The following LRP1B variants were observed in gnomAD, a reference collection of about 807,000 sequenced individuals.
LRP1B encodes low-density lipoprotein receptor-related protein 1B.
LRP1B carries 217 observed loss-of-function variants against 556.6 expected under a neutral mutation model. The ratio of observed to expected loss-of-function variants is 0.39; its 90% CI spans 0.35 to 0.44. The LOEUF (loss-of-function observed/expected upper bound fraction) is 0.44. Ranked by LOEUF, LRP1B falls within the 20% of genes least tolerant of loss-of-function variation. LRP1B has a pLI of 1.00. For synonymous variants in LRP1B, 2,047 were observed against 1,865.8 expected, an observed-to-expected ratio of 1.10 and a Z score of -2.50; for missense variants, 5,053 against 5,620.8, an observed-to-expected ratio of 0.90 and a Z score of 3.23.
chr2:141,945,798 G>A (rs897578391), intron 1 of LRP1B, among the ~76,000 whole-genome samples: 4 of 152,012 alleles, frequency 2.6e-5, no homozygotes, highest in Non-Finnish European at 2.9e-5. Flanking sequence ...AGAGGCCTTG[G>A]CCTAGAGTTG....
chr2:141,370,755 T>C (rs1407113258), intron 3 of LRP1B, among the ~76,000 whole-genome samples: 1 of 152,164 alleles, frequency 6.6e-6, no homozygotes, highest in Non-Finnish European at 1.5e-5. Flanking sequence ...CCCAGGTTTT[T>C]TCTAATATGT....
At chr2:140,958,343 A>T (rs1438121609) in intron 18 of LRP1B, among the ~76,000 whole-genome samples, 1 of 151,648 alleles carries the variant, frequency 6.6e-6, no homozygotes, top group Non-Finnish European at 1.5e-5. Context: ...GTAAAAAGAC[A>T]CACAGATAAA....
intron 74 of LRP1B, among the ~76,000 whole-genome samples, chr2:140,357,115 G>C (rs775852964): frequency 6.6e-6 from 1 of 151,598 alleles, no homozygotes; most frequent in South Asian, 2.1e-4. Flanking sequence ...CTCCCATTCA[G>C]GAAAACATTT....
At chr2:140,635,733 G>A (rs1015178741) in intron 41 of LRP1B, among the ~76,000 whole-genome samples, 2 of 151,924 alleles carry the variant, frequency 1.3e-5, no homozygotes, top group Admixed American at 6.6e-5. Flanking sequence ...TACTAGCCAT[G>A]GCCAAATATA....
At chr2:141,115,452 G>GTTTT (rs1364204085) in intron 7 of LRP1B, among the ~76,000 whole-genome samples, 999 of 90,342 alleles carry the variant, frequency 0.011, 10 homozygotes, top group African/African-American at 0.035. Context: ...ATAGGTTTTT[G>GTTTT]TTTTTGTTTT....
At chr2:141,644,342 G>A (rs186403138) in intron 2 of LRP1B, among the ~76,000 whole-genome samples, 254 of 151,976 alleles carry the variant, frequency 1.7e-3, no homozygotes, top group African/African-American at 5.8e-3. Flanking sequence ...GAGTTTCCTC[G>A]CATAAGATCT....
rs974996894 is a variant in LRP1B, at chr2:140,634,923, A to C, written c.6800-33284T>G. Reference sequence around the variant, plus strand: ...ACAACAGAAAAGTACATTATGTAAAAATTAAAGAAATCAAAGAAAACTATG... The same window carrying C: ...ACAACAGAAAAGTACATTATGTAAACATTAAAGAAATCAAAGAAAACTATG... On this transcript the variant is annotated intron_variant, in intron 41 of 90. Coordinates refer to ENST00000389484, the MANE Select transcript of LRP1B (RefSeq NM_018557.3). 2.5e-4 allele frequency among the ~76,000 whole-genome samples: 38 copies of C among 152,086 alleles called. 1 individual carries two copies. Among genetic ancestry groups the C allele is most frequent in the Admixed American group, 1.0e-3 (16 of 15,264 alleles).
intron 32 of LRP1B, among the ~76,000 whole-genome samples, chr2:140,780,038 A>G (rs921833707): frequency 1.3e-5 from 2 of 151,930 alleles, no homozygotes; most frequent in African/African-American, 4.8e-5. Context: ...CTCCAGGAAA[A>G]GAGAAAGAAA....
intron 2 of LRP1B, among the ~76,000 whole-genome samples, chr2:141,770,511 A>C (rs773096376): frequency 2.6e-5 from 4 of 152,254 alleles, no homozygotes; most frequent in Non-Finnish European, 5.9e-5. Context: ...GCTGGCTACA[A>C]ACAGCGTCAT....
intron 87 of LRP1B, among the ~76,000 whole-genome samples, chr2:140,245,747 A>G (rs1364506756): frequency 6.6e-6 from 1 of 151,310 alleles, no homozygotes; most frequent in Non-Finnish European, 1.5e-5. Flanking sequence ...TTTCTTTTGC[A>G]TATCAAATTA....
chr2:140,660,568 C>G (rs1685056597), intron 41 of LRP1B, among the ~76,000 whole-genome samples: 1 of 152,144 alleles, frequency 6.6e-6, no homozygotes, highest in African/African-American at 2.4e-5. Flanking sequence ...CAAACTCCCT[C>G]TCTGATCTGG....
chr2:140,323,695 CATTTTCCCA>C (rs1244584879), intron 81 of LRP1B, among the ~76,000 whole-genome samples, 189 bp downstream of exon 81: 1 of 151,782 alleles, frequency 6.6e-6, no homozygotes, highest in African/African-American at 2.4e-5. Flanking sequence ...AAATGCTGAA[CATTTTCCCA>C]ATTACAGCAG....
intron 6 of LRP1B, among the ~76,000 whole-genome samples, chr2:141,223,667 G>A (rs1683130464): frequency 6.6e-6 from 1 of 152,126 alleles, no homozygotes; most frequent in Non-Finnish European, 1.5e-5. Flanking sequence ...CTGGTACATG[G>A]TACTGGTACA....
At chr2:141,282,465 T>G (rs186121327) in intron 3 of LRP1B, among the ~76,000 whole-genome samples, 19 of 135,660 alleles carry the variant, frequency 1.4e-4, no homozygotes, top group Non-Finnish European at 1.9e-4. Context: ...CTCGGGGGTT[T>G]TATATGTATA....
rs370510413 is a variant in LRP1B at position 140,868,225 on chromosome 2, C to A, written c.4208G>T (p.Arg1403Leu). Reference sequence around the variant, plus strand: ...ACCACTCATAGAGGCAGATTCAATGCGAGGAAAATTTGCATCCCAGTCTGT... The same window carrying A: ...ACCACTCATAGAGGCAGATTCAATGAGAGGAAAATTTGCATCCCAGTCTGT... ...FWTDWDANFPRIESASMSGAG... is the reference protein window; with the variant it reads ...FWTDWDANFPLIESASMSGAG... Residue 1403 changes from arginine (R) to leucine (L), a missense_variant, in exon 26 of 91, where the codon CGC becomes CTC. Arg to Leu is a moderately radical substitution (Grantham distance 102). Transcript: ENST00000389484. 6 of 1,579,572 alleles carry A rather than the reference C, an allele frequency of 3.8e-6. No individual in the cohort carries two copies. Among genetic ancestry groups the A allele is most frequent in the Non-Finnish European group, 5.1e-6 (6 of 1,167,604 alleles).
At chr2:140,594,805 C>G (rs1444490959) in intron 43 of LRP1B, among the ~76,000 whole-genome samples, 5 of 151,968 alleles carry the variant, frequency 3.3e-5, no homozygotes, top group Non-Finnish European at 7.4e-5. Flanking sequence ...TGTCACTTTT[C>G]CAGCACTCCT....
At chr2:141,476,404 A>G (rs1169272747) in intron 3 of LRP1B, among the ~76,000 whole-genome samples, 2 of 152,302 alleles carry the variant, frequency 1.3e-5, no homozygotes, top group South Asian at 4.1e-4. Context: ...TGTATTTTAC[A>G]GGATGCATTT....
intron 2 of LRP1B, among the ~76,000 whole-genome samples, chr2:141,625,048 G>A (rs1688657206): frequency 6.6e-6 from 1 of 152,266 alleles, no homozygotes; most frequent in Admixed American, 6.5e-5. Context: ...GATTACAGGC[G>A]TGAGCCACCG....
intron 1 of LRP1B, among the ~76,000 whole-genome samples, chr2:141,884,644 A>C (rs1245195176): frequency 6.6e-6 from 1 of 152,176 alleles, no homozygotes; most frequent in Non-Finnish European, 1.5e-5. Context: ...AAACATACTC[A>C]TGTTAAAATG....
Sources: allele counts gnomAD v4.1 joint callset (sites outside exome capture counted in the v4.1 genomes callset), GRCh38; gene constraint gnomAD v4.1.1; transcripts MANE v1.5; gene names NCBI Gene and HGNC (gene_info 2026-07-23, HGNC 2026-07-21).